M1AP: variants seen among roughly 807,000 people sequenced by gnomAD.
The protein encoded by M1AP is meiosis 1 arrest protein.
In M1AP, 39 loss-of-function variants were observed where a neutral mutation model predicts 51.2. That is an observed-to-expected ratio of 0.76 (90% CI 0.59 to 1.00). The LOEUF is 1.00. Ranked by LOEUF, M1AP falls within the 50% of genes least tolerant of loss-of-function variation. The pLI is 0.00. For missense variants in M1AP, 545 were observed against 641.2 expected (o/e 0.85, Z 1.62); for synonymous variants, 251 against 249.2 (o/e 1.01, Z -0.07).
chr2:74,568,703 A>T (rs1233869379), intron 7 of M1AP, among the ~76,000 whole-genome samples: 8 of 152,250 alleles, frequency 5.3e-5, no homozygotes, highest in Admixed American at 5.2e-4. Context: ...TCCAAAAAGT[A>T]GAATGTTTTA....
rs7588379 is a variant in M1AP at position 74,607,095 on chromosome 2, G to T, written c.555C>A (p.His185Gln). Residue 185 changes from histidine (H) to glutamine (Q), a missense_variant, in exon 4 of 11, where the codon CAC (histidine) becomes CAA (glutamine). Physicochemically the swap from His to Gln is conservative, Grantham distance 24. Coordinates refer to ENST00000421985, the MANE Select transcript of M1AP (RefSeq NM_001321739.2). ...VVEVTKGILEHVDSASPVEDT... is the reference protein window; with the variant it reads ...VVEVTKGILEQVDSASPVEDT... ...CCTCAACAGGAGACGCTGAGTCCAC[G>T]TGCTCTAGGATTCCCTTTGTGACCT... 1.2e-6 allele frequency: 2 copies of T among 1,613,992 alleles called. No homozygotes were observed. Among genetic ancestry groups the T allele is most frequent in the Non-Finnish European group, 8.5e-7 (1 of 1,179,968 alleles).
At chr2:74,613,229 G>A (rs1053816957) in intron 3 of M1AP, among the ~76,000 whole-genome samples, 3 of 152,000 alleles carry the variant, frequency 2.0e-5, no homozygotes, top group African/African-American at 7.3e-5. Flanking sequence ...ATTAATCATA[G>A]TTGCTTTAAA....
At chr2:74,584,031 T>C (rs1202987550) in intron 4 of M1AP, among the ~76,000 whole-genome samples, 1 of 152,212 alleles carries the variant, frequency 6.6e-6, no homozygotes, top group East Asian at 1.9e-4. Context: ...AACATGAATC[T>C]TGACCATTTT....
At chr2:74,585,403 C>T (rs979991227) in intron 4 of M1AP, among the ~76,000 whole-genome samples, 4 of 152,138 alleles carry the variant, frequency 2.6e-5, no homozygotes, top group Admixed American at 6.5e-5. Context: ...TAGGAAGGTG[C>T]GTGTTTTGCT....
At position 74,648,281 on chromosome 2, in the gene M1AP, G is replaced by A; in HGVS notation, c.-69C>T. 1.0e-6 allele frequency: 1 copy of A among 985,414 alleles called. No individual in the cohort carries two copies. The highest frequency in any genetic ancestry group is 1.7e-5 in the African/African-American group (1 of 57,384). The allele number at this position is 985,414 out of a possible 1,614,324, so 61.0% of individuals were successfully genotyped here. On this transcript the variant is annotated 5_prime_UTR_variant, in exon 1 of 11. Transcript: ENST00000421985. ...GAACCGTACCTGTCTTCGGAAGACG[G>A]AGGCCCCCTCACCTGGTCCTCCCGG...
At chr2:74,603,036 GAGAAAA>G (rs1199512853) in intron 4 of M1AP, among the ~76,000 whole-genome samples, 2 of 152,198 alleles carry the variant, frequency 1.3e-5, no homozygotes, top group Admixed American at 1.3e-4. Context: ...TGGCCAAAGA[GAGAAAA>G]AGAGCTTCTC....
At chr2:74,634,597 C>G (rs1682875397) in intron 2 of M1AP, among the ~76,000 whole-genome samples, 1 of 152,122 alleles carries the variant, frequency 6.6e-6, no homozygotes, top group African/African-American at 2.4e-5. Flanking sequence ...TAGTACTATG[C>G]TGAGGAGTAC....
intron 4 of M1AP, among the ~76,000 whole-genome samples, chr2:74,595,759 T>C (rs549381360): frequency 6.6e-6 from 1 of 152,360 alleles, no homozygotes; most frequent in South Asian, 2.1e-4. Context: ...GTTTTCTATA[T>C]TTTACATGAA....
intron 4 of M1AP, among the ~76,000 whole-genome samples, chr2:74,594,835 C>T (rs998531914): frequency 3.9e-5 from 6 of 152,076 alleles, no homozygotes; most frequent in Admixed American, 6.6e-5. Flanking sequence ...ATTGTGATCA[C>T]GCTACAGCAC....
At chr2:74,616,765 C>T (rs1043970027) in intron 2 of M1AP, among the ~76,000 whole-genome samples, 1 of 152,128 alleles carries the variant, frequency 6.6e-6, no homozygotes, top group Non-Finnish European at 1.5e-5. Flanking sequence ...TAATTATTGG[C>T]ATTAAGCATA....
chr2:74,635,306 T>C (rs1319591686), intron 2 of M1AP, among the ~76,000 whole-genome samples: 1 of 152,114 alleles, frequency 6.6e-6, no homozygotes, highest in South Asian at 2.1e-4. Flanking sequence ...TCCTTTGGAA[T>C]AATAAGGGCC....
At chr2:74,609,338 C>T (rs1484385420) in intron 3 of M1AP, among the ~76,000 whole-genome samples, 1 of 152,190 alleles carries the variant, frequency 6.6e-6, no homozygotes, top group African/African-American at 2.4e-5. Flanking sequence ...GCTTATTTCA[C>T]TTAATATAAT....
At chr2:74,560,679 T>C (rs554930687) in intron 8 of M1AP, among the ~76,000 whole-genome samples, 2 of 152,030 alleles carry the variant, frequency 1.3e-5, no homozygotes, top group Non-Finnish European at 2.9e-5. Context: ...GGCGAGTACA[T>C]GGAGTTCTCA....
At chr2:74,612,186 C>G (rs781184021) in intron 3 of M1AP, among the ~76,000 whole-genome samples, 1 of 151,704 alleles carries the variant, frequency 6.6e-6, no homozygotes, top group Non-Finnish European at 1.5e-5. Context: ...CCACTGCGCC[C>G]GGCCACCAGT....
intron 7 of M1AP, 70 bp downstream of exon 7, chr2:74,575,368 T>C: frequency 6.3e-7 from 1 of 1,599,766 alleles, no homozygotes; most frequent in African/African-American, 1.3e-5. Context: ...GCAGAGTTAG[T>C]TAGCTGCTTT....
In M1AP at chr2:74,558,468, A is replaced by T. The variant is rs1032805369; in HGVS notation, c.*248T>A. The T allele has an allele frequency of 2.1e-6, 1 of 473,550 alleles. No homozygotes were observed. Among genetic ancestry groups the T allele is most frequent in the Non-Finnish European group, 3.7e-6 (1 of 271,500 alleles). 29.3% of individuals were successfully genotyped at this position (473,550 alleles called of 1,614,324 possible). ...CTGGGTGTTTAATCTTCACCTGTGT[A>T]AACAGTAGCAAATGATTCTAAAGAA... On this transcript the variant is annotated 3_prime_UTR_variant, in exon 11 of 11. Coordinates refer to ENST00000421985, the MANE Select transcript of M1AP (RefSeq NM_001321739.2).
At chr2:74,618,995 G>T in intron 2 of M1AP, 1 of 528,322 alleles carries the variant, frequency 1.9e-6, no homozygotes, top group Non-Finnish European at 3.9e-6. Flanking sequence ...CCTCATCTCT[G>T]CCTTCATGCA....
chr2:74,563,568 C>T (rs1238927462), intron 7 of M1AP, among the ~76,000 whole-genome samples: 1 of 141,094 alleles, frequency 7.1e-6, no homozygotes, highest in Non-Finnish European at 1.5e-5. Context: ...CATTGCACTA[C>T]AGCCTGGGCA....
At chr2:74,576,345 G>C in intron 6 of M1AP, 111 bp downstream of exon 6, 1 of 1,195,166 alleles carries the variant, frequency 8.4e-7, no homozygotes, top group Non-Finnish European at 1.2e-6. Flanking sequence ...CTTCGGAACT[G>C]ACTCTTGCCT....
Sources: allele counts gnomAD v4.1 joint callset (sites outside exome capture counted in the v4.1 genomes callset), GRCh38; gene constraint gnomAD v4.1.1; transcripts MANE v1.5; gene names NCBI Gene and HGNC (gene_info 2026-07-23, HGNC 2026-07-21).